Variants in SLC25A14 observed in about 807,000 individuals in gnomAD.
SLC25A14 encodes the protein brain mitochondrial carrier protein 1.
SLC25A14 carries 8 observed loss-of-function variants against 28.1 expected under a neutral mutation model. The ratio of observed to expected loss-of-function variants is 0.28; its 90% confidence interval spans 0.17 to 0.51. The LOEUF (loss-of-function observed/expected upper bound fraction) is 0.51, where lower values mean the gene tolerates loss of function less well. SLC25A14 is among the 20% of genes least tolerant of loss of function. The pLI, the probability that SLC25A14 is intolerant of heterozygous loss-of-function variation, is 0.97. For missense variants in SLC25A14, 135 were observed against 263.8 expected (o/e 0.51, Z 3.38); for synonymous variants, 74 against 90.6 (o/e 0.82, Z 1.04).
intron 7 of SLC25A14, among the ~76,000 whole-genome samples, chrX:130,364,250 T>TA (rs1477860626): frequency 8.9e-6 from 1 of 112,179 alleles, no homozygotes; most frequent in Non-Finnish European, 1.9e-5. Context: ...AAGAGTTATT[T>TA]ATATATTCTT....
chrX:130,352,115 T>C (rs2033637307), intron 6 of SLC25A14, among the ~76,000 whole-genome samples: 1 of 111,489 alleles, frequency 9.0e-6, no homozygotes, highest in Non-Finnish European at 1.9e-5. Flanking sequence ...GTTGCCATCT[T>C]TGTCCATGAG....
chrX:130,365,762 A>G (rs1416763880), intron 9 of SLC25A14, 86 bp downstream of exon 9: 2 of 640,008 alleles, frequency 3.1e-6, no homozygotes, highest in African/African-American at 4.5e-5. Flanking sequence ...GTTGCTACAT[A>G]CCATTTTGAA....
intron 6 of SLC25A14, among the ~76,000 whole-genome samples, chrX:130,352,876 G>C (rs766906868): frequency 8.9e-6 from 1 of 112,411 alleles, no homozygotes; most frequent in African/African-American, 3.2e-5. Flanking sequence ...TCTTTACTCT[G>C]TTGGTAGTTT....
At chrX:130,342,842 TAGAC>T (rs2033303123) in intron 2 of SLC25A14, among the ~76,000 whole-genome samples, 1 of 105,119 alleles carries the variant, frequency 9.5e-6, no homozygotes, top group Admixed American at 1.0e-4. Context: ...CTGTTAATAA[TAGAC>T]AGTCCCTAAA....
chrX:130,372,741 C>T (rs1048995924), intron 10 of SLC25A14, among the ~76,000 whole-genome samples, 168 bp from the exon 11 acceptor site: 3 of 111,370 alleles, frequency 2.7e-5, no homozygotes, highest in African/African-American at 6.5e-5. Flanking sequence ...GGATTACAGG[C>T]GTGAGCCACC....
chrX:130,360,611 G>T (rs2033939496), intron 7 of SLC25A14, among the ~76,000 whole-genome samples: 1 of 111,651 alleles, frequency 9.0e-6, no homozygotes, highest in African/African-American at 3.3e-5. Flanking sequence ...TGGTCCTTGA[G>T]GTTTGCTTTT....
At chrX:130,369,924 A>T (rs1169573615) in intron 9 of SLC25A14, among the ~76,000 whole-genome samples, 2 of 112,223 alleles carry the variant, frequency 1.8e-5, no homozygotes, top group Non-Finnish European at 3.8e-5. Context: ...TTATGCTCTC[A>T]TTTATAATTT....
rs1396665670 is a variant in SLC25A14, at chrX:130,340,225, C to A, written c.-54C>A. On this transcript the variant is annotated 5_prime_UTR_variant, in exon 2 of 11. Transcript: ENST00000545805. ...TCTTCAGGCGCCTCCCTTCTCTCCA[C>A]GAGCTCGCTCTGACAGCTGAGGAAC... 7 of 1,205,898 alleles carry A rather than the reference C, an allele frequency of 5.8e-6. No individual in the cohort carries two copies. In the African/African-American group the frequency reaches 1.0e-4, roughly 18 times the overall value.
chrX:130,357,525 TTAG>T (rs1437126348), intron 6 of SLC25A14, among the ~76,000 whole-genome samples: 1 of 112,334 alleles, frequency 8.9e-6, no homozygotes, highest in Non-Finnish European at 1.9e-5. Flanking sequence ...CCACAGTGTA[TTAG>T]TAGTTTTCAT....
intron 9 of SLC25A14, among the ~76,000 whole-genome samples, chrX:130,371,226 A>C (rs62601182): frequency 0.025 from 2,788 of 111,921 alleles, 45 homozygotes; most frequent in Admixed American, 0.072. Context: ...TTGGTGACAC[A>C]GACCAAATAC....
At chrX:130,353,269 C>T (rs948845203) in intron 6 of SLC25A14, among the ~76,000 whole-genome samples, 2 of 111,694 alleles carry the variant, frequency 1.8e-5, no homozygotes, top group African/African-American at 3.3e-5. Context: ...CAGACAACCC[C>T]ACCTCCTATG....
At chrX:130,347,620 G>A (rs1297708251) in intron 4 of SLC25A14, among the ~76,000 whole-genome samples, 2 of 111,500 alleles carry the variant, frequency 1.8e-5, no homozygotes, top group East Asian at 2.8e-4. Flanking sequence ...TTTGGCTCTA[G>A]TACCTCCTTG....
intron 9 of SLC25A14, among the ~76,000 whole-genome samples, chrX:130,366,295 C>T (rs16999666): frequency 0.017 from 1,932 of 112,216 alleles, 42 homozygotes; most frequent in African/African-American, 0.06. Context: ...GGTATACAAA[C>T]GGATCATCAG....
intron 2 of SLC25A14, among the ~76,000 whole-genome samples, chrX:130,341,180 A>G (rs1241544227): frequency 2.7e-5 from 3 of 111,972 alleles, no homozygotes; most frequent in Non-Finnish European, 5.6e-5. Context: ...AGTCAATCCC[A>G]TGCTGGTTGT....
intron 6 of SLC25A14, among the ~76,000 whole-genome samples, chrX:130,353,621 CTT>C (rs759899219): frequency 5.0e-4 from 56 of 112,251 alleles, no homozygotes; most frequent in South Asian, 1.1e-3. Flanking sequence ...GTGTCTTCCT[CTT>C]TACCGGTTAT....
At chrX:130,369,290 A>T (rs781342846) in intron 9 of SLC25A14, among the ~76,000 whole-genome samples, 18 of 105,428 alleles carry the variant, frequency 1.7e-4, no homozygotes, top group African/African-American at 5.5e-4. Flanking sequence ...TTTCTTAATT[A>T]AAAAAAAAAA....
intron 6 of SLC25A14, among the ~76,000 whole-genome samples, chrX:130,357,903 TCATAAA>T (rs1286539780): frequency 8.9e-6 from 1 of 112,387 alleles, no homozygotes; most frequent in East Asian, 2.8e-4. Context: ...ACTTAAGGTC[TCATAAA>T]CATAAAATTA....
At chrX:130,363,621 A>T (rs1461520318) in intron 7 of SLC25A14, among the ~76,000 whole-genome samples, 1 of 112,466 alleles carries the variant, frequency 8.9e-6, no homozygotes, top group Admixed American at 9.4e-5. Flanking sequence ...AGGAAGTGCC[A>T]AATTGTTTTC....
intron 4 of SLC25A14, among the ~76,000 whole-genome samples, chrX:130,347,625 T>G (rs1480262747): frequency 9.0e-6 from 1 of 111,610 alleles, no homozygotes; most frequent in Non-Finnish European, 1.9e-5. Context: ...CTCTAGTACC[T>G]CCTTGTTGAT....
Sources: gnomAD v4.1 joint callset for allele counts (sites outside exome capture counted in the v4.1 genomes callset) on GRCh38, gnomAD v4.1.1 for gene constraint, MANE v1.5 for transcripts, NCBI Gene and HGNC (gene_info 2026-07-23, HGNC 2026-07-21) for gene names.